Variants in SMAP1 observed in about 807,000 individuals in gnomAD.
SMAP1 encodes the protein stromal membrane-associated protein 1.
SMAP1 carries 24 observed loss-of-function variants against 58.5 expected under a neutral mutation model. The observed-to-expected ratio is 0.41, with a 90% CI of 0.30 to 0.58. The LOEUF (loss-of-function observed/expected upper bound fraction) is 0.58. SMAP1 is among the 20% of genes least tolerant of loss of function. The pLI, the probability that SMAP1 is intolerant of heterozygous loss-of-function variation, is 0.29. For synonymous variants in SMAP1, 216 were observed against 196.6 expected, an observed-to-expected ratio of 1.10 and a Z score of -0.82; for missense variants, 563 against 566.3, an observed-to-expected ratio of 0.99 and a Z score of 0.06.
At chr6:70,725,090 AGTGTTT>A (rs1768708032) in intron 1 of SMAP1, among the ~76,000 whole-genome samples, 1 of 101,210 alleles carries the variant, frequency 9.9e-6, no homozygotes, top group Admixed American at 1.2e-4. Flanking sequence ...TAAATTAACC[AGTGTTT>A]TTTTTTTTTT....
chr6:70,804,652 GT>G (rs1769036611), intron 6 of SMAP1, among the ~76,000 whole-genome samples: 1 of 152,118 alleles, frequency 6.6e-6, no homozygotes. Flanking sequence ...TCCTTTCCAT[GT>G]TTAGTGCTTC....
intron 7 of SMAP1, among the ~76,000 whole-genome samples, chr6:70,852,136 C>T (rs1771208843): frequency 2.0e-5 from 3 of 151,968 alleles, no homozygotes; most frequent in South Asian, 2.1e-4. Context: ...CCCCTTATCT[C>T]AAAAGTAGTT....
intron 1 of SMAP1, among the ~76,000 whole-genome samples, chr6:70,711,240 C>T (rs1473885274): frequency 2.0e-5 from 3 of 152,272 alleles, no homozygotes; most frequent in African/African-American, 7.2e-5. Context: ...TTTATTTACA[C>T]CAGCATTATC....
At chr6:70,669,377 A>C (rs1288301606) in intron 1 of SMAP1, among the ~76,000 whole-genome samples, 1 of 152,236 alleles carries the variant, frequency 6.6e-6, no homozygotes, top group Admixed American at 6.5e-5. Flanking sequence ...TCAGCAGGTT[A>C]CTTCACTGTC....
chr6:70,689,514 C>G (rs1050407647), intron 1 of SMAP1, among the ~76,000 whole-genome samples: 2 of 152,122 alleles, frequency 1.3e-5, no homozygotes, highest in African/African-American at 4.8e-5. Flanking sequence ...TGTAAGTCTT[C>G]CAACTTTGTT....
intron 4 of SMAP1, among the ~76,000 whole-genome samples, chr6:70,788,208 C>G (rs375697872): frequency 6.8e-6 from 1 of 147,064 alleles, no homozygotes; most frequent in Non-Finnish European, 1.5e-5. Context: ...GGACAAGAAA[C>G]GAAACACCAC....
At chr6:70,689,047 T>C (rs1229294115) in intron 1 of SMAP1, among the ~76,000 whole-genome samples, 1 of 152,086 alleles carries the variant, frequency 6.6e-6, no homozygotes, top group African/African-American at 2.4e-5. Context: ...TCACCCAGGC[T>C]GGAATGCAGT....
chr6:70,822,770 C>T (rs541311760), intron 6 of SMAP1, among the ~76,000 whole-genome samples: 2 of 151,898 alleles, frequency 1.3e-5, no homozygotes, highest in East Asian at 3.9e-4. Context: ...CTGGTATTTC[C>T]ATTACATGTA....
chr6:70,789,092 C>T (rs1242603454), intron 4 of SMAP1, among the ~76,000 whole-genome samples: 1 of 152,102 alleles, frequency 6.6e-6, no homozygotes, highest in Non-Finnish European at 1.5e-5. Flanking sequence ...CTGTCACTTG[C>T]TTCCAGTTGT....
chr6:70,768,793 C>G (rs1037126333), intron 3 of SMAP1, among the ~76,000 whole-genome samples: 19 of 152,154 alleles, frequency 1.2e-4, no homozygotes, highest in African/African-American at 4.6e-4. Context: ...CCTCTGCTAG[C>G]TTTTGAATGT....
intron 4 of SMAP1, 98 bp from the exon 5 acceptor site, chr6:70,791,589 ATC>A: frequency 1.1e-6 from 1 of 915,584 alleles, no homozygotes; most frequent in Non-Finnish European, 1.7e-6. Context: ...GTGCTTCTAT[ATC>A]TCAAAAATAT....
chr6:70,792,409 G>A (rs548588636), intron 5 of SMAP1, among the ~76,000 whole-genome samples: 2 of 146,100 alleles, frequency 1.4e-5, no homozygotes, highest in Non-Finnish European at 3.0e-5. Context: ...CGTAGACATG[G>A]GATAAATGAT....
intron 9 of SMAP1, 95 bp from the exon 10 acceptor site, chr6:70,857,827 G>A (rs1437928162): frequency 1.2e-5 from 16 of 1,353,682 alleles, no homozygotes; most frequent in Non-Finnish European, 1.6e-5. Flanking sequence ...TGTTTGCTGT[G>A]AGTAGTTCAG....
chr6:70,745,482 G>T (rs1765991303), intron 2 of SMAP1, among the ~76,000 whole-genome samples: 1 of 152,200 alleles, frequency 6.6e-6, no homozygotes, highest in Admixed American at 6.5e-5. Context: ...TCAGATGGTT[G>T]TAGATGTGTG....
intron 3 of SMAP1, among the ~76,000 whole-genome samples, chr6:70,755,829 T>C (rs1766464764): frequency 6.6e-6 from 1 of 151,844 alleles, no homozygotes; most frequent in Non-Finnish European, 1.5e-5. Flanking sequence ...ATTACCTTTA[T>C]ATAGTAGTTA....
intron 1 of SMAP1, among the ~76,000 whole-genome samples, chr6:70,669,829 T>A (rs182456869): frequency 6.6e-6 from 1 of 152,246 alleles, no homozygotes; most frequent in South Asian, 2.1e-4. Flanking sequence ...CTACAGACTT[T>A]ATTAAAAATA....
At chr6:70,835,548 C>A (rs1466662670) in intron 6 of SMAP1, among the ~76,000 whole-genome samples, 1 of 152,016 alleles carries the variant, frequency 6.6e-6, no homozygotes, top group Non-Finnish European at 1.5e-5. Context: ...CTCTGTTGCC[C>A]AGGCTGGAAC....
chr6:70,729,459 T>TTGTGTGTGTGTGTGTGTGTGTGTGTGTG (rs35058846), intron 1 of SMAP1, among the ~76,000 whole-genome samples: 10 of 128,160 alleles, frequency 7.8e-5, no homozygotes, highest in Middle Eastern at 4.1e-3. Context: ...AAAAAGAAGG[T>TTGTGTGTGTGTGTGTGTGTGTGTGTGTG]TGTGTGTGTG....
At chr6:70,668,385 C>T in intron 1 of SMAP1, 1 of 904,322 alleles carries the variant, frequency 1.1e-6, no homozygotes. Context: ...TCCTCCCAGA[C>T]ACGGGTTTGA....
Sources: allele counts gnomAD v4.1 joint callset (sites outside exome capture counted in the v4.1 genomes callset), GRCh38; gene constraint gnomAD v4.1.1; transcripts MANE v1.5; gene names NCBI Gene and HGNC (gene_info 2026-07-23, HGNC 2026-07-21).